ZBTB44: variants seen among roughly 807,000 people sequenced by gnomAD.
The protein encoded by ZBTB44 is zinc finger and BTB domain containing 44, also known as zinc finger and BTB domain-containing protein 44.
ZBTB44 carries 15 observed loss-of-function variants against 54.0 expected under a neutral mutation model. That is an observed-to-expected ratio of 0.28 (90% CI 0.19 to 0.43). The LOEUF (loss-of-function observed/expected upper bound fraction) is 0.43. ZBTB44 is among the 20% of genes least tolerant of loss of function. ZBTB44 has a pLI of 1.00. For synonymous variants in ZBTB44, 230 were observed against 250.1 expected, an observed-to-expected ratio of 0.92 and a Z score of 0.76; for missense variants, 487 against 707.1, an observed-to-expected ratio of 0.69 and a Z score of 3.53.
intron 1 of ZBTB44, chr11:130,297,037 G>T: frequency 1.5e-6 from 1 of 682,638 alleles, no homozygotes; most frequent in Non-Finnish European, 2.7e-6. Context: ...TCATCCGATA[G>T]CAGGCAGCTC....
chr11:130,290,561 T>C (rs858719), intron 1 of ZBTB44, among the ~76,000 whole-genome samples: 100,205 of 152,018 alleles, frequency 0.66, 33,707 homozygotes, highest in Admixed American at 0.74. Flanking sequence ...CCTGATTGAT[T>C]TCCTTGCCTT....
intron 2 of ZBTB44, among the ~76,000 whole-genome samples, chr11:130,247,985 G>A (rs1937666311): frequency 6.6e-6 from 1 of 152,152 alleles, no homozygotes; most frequent in South Asian, 2.1e-4. Context: ...CCATGGGCAA[G>A]TGGAAACAAA....
At chr11:130,290,719 C>A (rs1463816033) in intron 1 of ZBTB44, among the ~76,000 whole-genome samples, 2 of 152,234 alleles carry the variant, frequency 1.3e-5, no homozygotes, top group Non-Finnish European at 2.9e-5. Context: ...CTATCCTACA[C>A]TCTATCACAT....
intron 2 of ZBTB44, among the ~76,000 whole-genome samples, chr11:130,246,585 C>T (rs1649688135): frequency 6.6e-6 from 1 of 152,132 alleles, no homozygotes; most frequent in African/African-American, 2.4e-5. Flanking sequence ...GTTGCTGCTG[C>T]CACTGTTCAG....
chr11:130,287,966 A>C (rs1342816226), intron 1 of ZBTB44, among the ~76,000 whole-genome samples: 2 of 124,176 alleles, frequency 1.6e-5, no homozygotes, highest in African/African-American at 3.7e-5. Flanking sequence ...TTTCTCAGAC[A>C]AAAAAAAAAA....
At chr11:130,307,680 C>T (rs1942355283) in intron 1 of ZBTB44, among the ~76,000 whole-genome samples, 1 of 152,088 alleles carries the variant, frequency 6.6e-6, no homozygotes, top group Non-Finnish European at 1.5e-5. Flanking sequence ...ATTTTTGAGA[C>T]AAGAGTCTCA....
chr11:130,306,803 A>G (rs935270030), intron 1 of ZBTB44, among the ~76,000 whole-genome samples: 4 of 152,164 alleles, frequency 2.6e-5, no homozygotes, highest in East Asian at 1.9e-4. Context: ...GGAAAACCAA[A>G]TATCGTATGT....
At chr11:130,245,664 C>G (rs1386553626) in intron 2 of ZBTB44, among the ~76,000 whole-genome samples, 1 of 151,762 alleles carries the variant, frequency 6.6e-6, no homozygotes, top group Non-Finnish European at 1.5e-5. Context: ...TTCTCACTAT[C>G]AGGTTGTGAG....
At chr11:130,309,202 C>T (rs1041795549) in intron 1 of ZBTB44, among the ~76,000 whole-genome samples, 2 of 152,216 alleles carry the variant, frequency 1.3e-5, no homozygotes, top group Admixed American at 1.3e-4. Flanking sequence ...GCCCGTTGCA[C>T]CCTTGCAACC....
At chr11:130,288,947 G>A (rs1202593831) in intron 1 of ZBTB44, among the ~76,000 whole-genome samples, 1 of 150,680 alleles carries the variant, frequency 6.6e-6, no homozygotes, top group South Asian at 2.1e-4. Context: ...GGAATTTGTA[G>A]ACAAGAACTT....
At chr11:130,267,365 C>T (rs1300288086) in intron 1 of ZBTB44, among the ~76,000 whole-genome samples, 1 of 152,032 alleles carries the variant, frequency 6.6e-6, no homozygotes, top group Non-Finnish European at 1.5e-5. Flanking sequence ...GCTGCAAGTA[C>T]TGATGTCAAA....
At chr11:130,279,498 A>G (rs2134257410) in intron 1 of ZBTB44, among the ~76,000 whole-genome samples, 1 of 152,198 alleles carries the variant, frequency 6.6e-6, no homozygotes, top group South Asian at 2.1e-4. Flanking sequence ...GTCTCCATTA[A>G]AAATACCAAA....
intron 1 of ZBTB44, among the ~76,000 whole-genome samples, chr11:130,281,848 G>GCC (rs956083746): frequency 5.9e-5 from 9 of 152,214 alleles, no homozygotes; most frequent in African/African-American, 1.9e-4. Context: ...CTCGTGATCC[G>GCC]CCCGCCTTGG....
chr11:130,229,424 G>A lies in ZBTB44; in HGVS notation c.*2340C>T, dbSNP rs1050800073. The A allele has an allele frequency of 1.3e-5, 2 of 152,042 alleles. No homozygotes were observed. The highest frequency in any genetic ancestry group is 2.4e-5 in the African/African-American group (1 of 41,394). 9.4% of individuals were successfully genotyped at this position (152,042 alleles called of 1,614,324 possible). A position where few individuals can be genotyped will look rare whatever the true frequency, so the allele number is the denominator to read the frequency against. On this transcript the variant is annotated 3_prime_UTR_variant, in exon 8 of 8. Transcript: ENST00000357899. Reference sequence around the variant, plus strand: ...AGCGACTGTTCTTAGTTGAGCCTGGGATTGAATCAATTCCACTTTATTGTT... The same window carrying A: ...AGCGACTGTTCTTAGTTGAGCCTGGAATTGAATCAATTCCACTTTATTGTT...
chr11:130,291,201 G>C (rs1941286391), intron 1 of ZBTB44, among the ~76,000 whole-genome samples: 1 of 148,806 alleles, frequency 6.7e-6, no homozygotes, highest in South Asian at 2.1e-4. Flanking sequence ...GTGCAATCTT[G>C]GCTCTTGAAT....
chr11:130,256,210 CT>C lies in ZBTB44; in HGVS notation c.1018+4645del, dbSNP rs560068187. ...AAGTCCTCAATAAAATACTGACAAA[CT>C]GAATCCAGCAGAATATCAAAAAGCT... is the stretch of plus-strand genomic sequence containing the variant. On this transcript the variant is annotated intron_variant, in intron 2 of 7. Coordinates refer to ENST00000357899, the MANE Select transcript of ZBTB44 (RefSeq NM_001301098.2). Among the ~76,000 whole-genome samples, 432 of 152,288 alleles carry C rather than the reference CT, an allele frequency of 2.8e-3. 1 individual carries two copies. The highest frequency in any genetic ancestry group is 4.4e-3 in the Non-Finnish European group (298 of 68,032).
chr11:130,241,090 T>C (rs1381293496), intron 2 of ZBTB44, among the ~76,000 whole-genome samples: 2 of 152,250 alleles, frequency 1.3e-5, no homozygotes, highest in African/African-American at 2.4e-5. Flanking sequence ...TCATTGTTTA[T>C]AATATTCATC....
chr11:130,243,415 G>C (rs988193500), intron 2 of ZBTB44, among the ~76,000 whole-genome samples: 40 of 152,334 alleles, frequency 2.6e-4, no homozygotes, highest in African/African-American at 8.4e-4. Flanking sequence ...GGCAGCATTA[G>C]CTATATGAGA....
chr11:130,262,998 T>C (rs908536799), intron 1 of ZBTB44, among the ~76,000 whole-genome samples: 11 of 152,040 alleles, frequency 7.2e-5, no homozygotes, highest in South Asian at 4.1e-4. Flanking sequence ...GAGGTGGAGG[T>C]TGCAGTGAGC....
Sources: allele counts gnomAD v4.1 joint callset (sites outside exome capture counted in the v4.1 genomes callset), GRCh38; gene constraint gnomAD v4.1.1; transcripts MANE v1.5; gene names NCBI Gene and HGNC (gene_info 2026-07-23, HGNC 2026-07-21).